Variants in CCDC74A observed in about 807,000 individuals in gnomAD.
The protein encoded by CCDC74A is coiled-coil domain containing 74A.
A neutral mutation model predicts 37.6 loss-of-function variants in CCDC74A; 38 were observed. That is an observed-to-expected ratio of 1.01 (90% CI 0.78 to 1.33). The LOEUF is 1.33. Ranked by LOEUF, CCDC74A falls within the 40% of genes most tolerant of loss-of-function variation. CCDC74A has a pLI of 0.00. For missense variants in CCDC74A, 340 were observed against 403.4 expected (o/e 0.84, Z 1.35); for synonymous variants, 134 against 165.2 (o/e 0.81, Z 1.45).
At chr2:131,523,988 G>GC (rs761308238), upstream of CCDC74A, among the ~76,000 whole-genome samples, 1 of 152,038 alleles carries the variant, frequency 6.6e-6, no homozygotes, top group Non-Finnish European at 1.5e-5. Flanking sequence ...ACTTTCATGT[G>GC]CCCACTTAGG....
At chr2:131,526,372 C>T (rs577215853), upstream of CCDC74A, among the ~76,000 whole-genome samples, 2 of 152,224 alleles carry the variant, frequency 1.3e-5, no homozygotes, top group East Asian at 1.9e-4. Flanking sequence ...GTCTTGAACT[C>T]CTGACCTCAA....
chr2:131,524,464 A>T (rs182743977), upstream of CCDC74A, among the ~76,000 whole-genome samples: 39 of 152,280 alleles, frequency 2.6e-4, no homozygotes, highest in African/African-American at 8.2e-4. Flanking sequence ...CCATGCATAC[A>T]TTTCTGCAGT....
rs757105343 is a variant in CCDC74A at position 131,530,810 on chromosome 2, A to T, written c.329A>T (p.Lys110Met). 1 of 1,606,238 alleles carries T rather than the reference A, an allele frequency of 6.2e-7. No homozygotes were observed. The highest frequency in any genetic ancestry group is 1.1e-5 in the South Asian group (1 of 89,850). Residue 110 changes from lysine (K) to methionine (M), a missense_variant, in exon 3 of 8, where the codon AAG (lysine) becomes ATG (methionine). By Grantham distance (95) the Lys-to-Met change is moderately conservative (BLOSUM62 -1). Around this residue, in one of 3 missense-constraint regions of CCDC74A, gnomAD observed 154 missense variants for 153.9 expected, o/e 1.00. Coordinates refer to ENST00000409856, the MANE Select transcript of CCDC74A (RefSeq NM_001258306.3). ...TCCATGTCAAGCTTCCAGTCTGTCA[A>T]GTCCATCTCTAATTCAGGTGAGCAG... Reference protein sequence around the residue: ...SLSMSSFQSVKSISNSGKARP... With the variant: ...SLSMSSFQSVMSISNSGKARP...
intron 3 of CCDC74A, among the ~76,000 whole-genome samples, chr2:131,531,310 C>T (rs889615488): frequency 6.6e-6 from 1 of 152,070 alleles, no homozygotes; most frequent in Non-Finnish European, 1.5e-5. Context: ...CCCTAACCCC[C>T]ACCATTCCTG....
Position 131,533,576 on chromosome 2 carries a change from A to G in CCDC74A, c.*178A>G. 8 of 862,940 alleles carry G rather than the reference A, an allele frequency of 9.3e-6. No homozygotes were observed. The highest frequency in any genetic ancestry group is 1.9e-5 in the South Asian group (1 of 53,420). 53.5% of individuals were successfully genotyped at this position (862,940 alleles called of 1,614,324 possible). On this transcript the variant is annotated 3_prime_UTR_variant, in exon 8 of 8. Transcript: ENST00000409856. ...ACAAACTGTTTATTTTCTAGCTGTT[A>G]TTTTGCTATTTGGCATTTACATAAA...
chr2:131,532,534 G>C, intron 4 of CCDC74A, 55 bp from the exon 5 acceptor site: 1 of 1,506,164 alleles, frequency 6.6e-7, no homozygotes. Context: ...ATGCTGGGTG[G>C]GTGGTTAGAC....
chr2:131,530,932 G>A (rs1490303608), intron 3 of CCDC74A, 105 bp downstream of exon 3: 1 of 1,524,172 alleles, frequency 6.6e-7, no homozygotes, highest in African/African-American at 1.4e-5. Flanking sequence ...GCTGGGCCAA[G>A]CTCCAGGATT....
chr2:131,528,760 G>C (rs1680659911), intron 1 of CCDC74A: 1 of 359,858 alleles, frequency 2.8e-6, no homozygotes, highest in Non-Finnish European at 5.4e-6. Flanking sequence ...GCAGTGAGCC[G>C]AGATCTTGCG....
At chr2:131,527,074 ACTT>A (rs200127694), upstream of CCDC74A, among the ~76,000 whole-genome samples, 495 of 148,142 alleles carry the variant, frequency 3.3e-3, 3 homozygotes, top group African/African-American at 0.011. Flanking sequence ...AAAAAATAAG[ACTT>A]CTTTTTATTT....
chr2:131,528,383 C>T (rs1226155136), intron 1 of CCDC74A, 163 bp downstream of exon 1: 6 of 1,549,972 alleles, frequency 3.9e-6, no homozygotes, highest in Non-Finnish European at 4.4e-6. Context: ...GTCCCCTCCT[C>T]CCAGAGGGAG....
In CCDC74A at chr2:131,530,663, C is replaced by G. The variant is rs10190564; in HGVS notation, c.296-114C>G. 7,004 of 1,611,848 alleles carry G rather than the reference C, an allele frequency of 4.3e-3. 78 individuals carry two copies. In the African/African-American group the frequency reaches 0.082, roughly 19 times the overall value. Reference sequence around the variant, plus strand: ...TGCATCAACGGAGTGTGGGTAGAGCCGGGAGGACCCAGCCCTGCCAGGCTG... The same window carrying G: ...TGCATCAACGGAGTGTGGGTAGAGCGGGGAGGACCCAGCCCTGCCAGGCTG... On this transcript the variant is annotated intron_variant, in intron 2 of 7. Coordinates refer to ENST00000409856, the MANE Select transcript of CCDC74A (RefSeq NM_001258306.3).
In CCDC74A at chr2:131,529,082, G is replaced by T. The variant is rs1680732684; in HGVS notation, c.251-565G>T. Reference sequence around the variant, plus strand: ...AGAAGGAGGGCCCGCCAGGATGTGGGATGTGGCTCCGCTCCTCGATCTTGC... The same window carrying T: ...AGAAGGAGGGCCCGCCAGGATGTGGTATGTGGCTCCGCTCCTCGATCTTGC... On this transcript the variant is annotated intron_variant, in intron 1 of 7. Coordinates refer to ENST00000409856, the MANE Select transcript of CCDC74A (RefSeq NM_001258306.3). 2.0e-5 allele frequency: 4 copies of T among 200,324 alleles called. No individual in the cohort carries two copies. The South Asian group carries it at 3.6e-4, about 18-fold the overall frequency. 12.4% of individuals were successfully genotyped at this position (200,324 alleles called of 1,614,324 possible).
intron 4 of CCDC74A, among the ~76,000 whole-genome samples, chr2:131,532,351 A>G (rs1232652169): frequency 6.8e-6 from 1 of 147,748 alleles, no homozygotes; most frequent in Non-Finnish European, 1.5e-5. Context: ...GCAGCCTGGC[A>G]GCTAGCTGGT....
chr2:131,522,840 A>G (rs1006223582), upstream of CCDC74A, among the ~76,000 whole-genome samples: 76 of 152,292 alleles, frequency 5.0e-4, no homozygotes, highest in Non-Finnish European at 8.4e-4. Flanking sequence ...TGGACATCCA[A>G]GAGCAAGTTA....
chr2:131,528,571 G>A (rs1680607679), intron 1 of CCDC74A: 10 of 1,133,080 alleles, frequency 8.8e-6, no homozygotes, highest in South Asian at 1.3e-5. Flanking sequence ...AGCACTTTGG[G>A]AGGCCGAGAC....
upstream of CCDC74A, among the ~76,000 whole-genome samples, chr2:131,523,911 A>G (rs986840995): frequency 1.3e-5 from 2 of 151,940 alleles, no homozygotes; most frequent in Non-Finnish European, 2.9e-5. Context: ...AGCCCACCCT[A>G]TGGGAAGGAT....
chr2:131,533,555 A>T lies in CCDC74A; in HGVS notation c.*157A>T, dbSNP rs1355053736. On this transcript the variant is annotated 3_prime_UTR_variant, in exon 8 of 8. Transcript: ENST00000409856. Reference sequence around the variant, plus strand: ...AAGTACTTGATCTCCAAACTGACAAACTGTTTATTTTCTAGCTGTTATTTT... The same window carrying T: ...AAGTACTTGATCTCCAAACTGACAATCTGTTTATTTTCTAGCTGTTATTTT... 1.9e-6 allele frequency: 2 copies of T among 1,041,164 alleles called. No individual in the cohort carries two copies. The highest frequency in any genetic ancestry group is 2.7e-6 in the Non-Finnish European group (2 of 732,360). The allele number at this position is 1,041,164 out of a possible 1,614,324, so 64.5% of individuals were successfully genotyped here.
chr2:131,527,268 C>G (rs1208924126), upstream of CCDC74A, among the ~76,000 whole-genome samples: 2 of 151,632 alleles, frequency 1.3e-5, no homozygotes, highest in Non-Finnish European at 2.9e-5. Flanking sequence ...AGCCACCGCG[C>G]CCAGCCTCTT....
intron 3 of CCDC74A, among the ~76,000 whole-genome samples, chr2:131,531,448 G>T (rs3106073): frequency 6.7e-6 from 1 of 150,234 alleles, no homozygotes; most frequent in Non-Finnish European, 1.5e-5. Flanking sequence ...GATTGTTCTA[G>T]AGTGTTCACA....
Sources: allele counts gnomAD v4.1 joint callset (sites outside exome capture counted in the v4.1 genomes callset), GRCh38; gene constraint gnomAD v4.1.1; regional missense constraint gnomAD v4.1.1; transcripts MANE v1.5; gene names NCBI Gene and HGNC (gene_info 2026-07-23, HGNC 2026-07-21).